Variants in ACSS3 observed in about 807,000 individuals in gnomAD.
ACSS3 encodes the protein acyl-CoA synthetase short chain family member 3.
In ACSS3, 64 loss-of-function variants were observed where a neutral mutation model predicts 84.2. That is an observed-to-expected ratio of 0.76 (90% CI 0.62 to 0.94). The LOEUF (loss-of-function observed/expected upper bound fraction) is 0.94, where lower values mean the gene tolerates loss of function less well. ACSS3 is among the 40% of genes least tolerant of loss of function. The probability of loss-of-function intolerance (pLI) is 0.00; values close to 1 mark genes in which losing one functional copy is unlikely to be tolerated. For synonymous variants in ACSS3, 317 were observed against 310.1 expected (o/e 1.02, Z -0.23); for missense variants, 815 against 867.6 (o/e 0.94, Z 0.76).
chr12:81,116,935 AC>A (rs1884092239), intron 2 of ACSS3, among the ~76,000 whole-genome samples: 1 of 151,898 alleles, frequency 6.6e-6, no homozygotes, highest in Non-Finnish European at 1.5e-5. Flanking sequence ...TCATTTTCTG[AC>A]TTTGAAGGTC....
intron 2 of ACSS3, among the ~76,000 whole-genome samples, chr12:81,130,196 G>A (rs548831662): frequency 7.9e-5 from 12 of 152,272 alleles, no homozygotes; most frequent in Non-Finnish European, 1.8e-4. Context: ...TTGAGGAATC[G>A]CCACACTGTC....
Position 81,135,019 on chromosome 12 carries a change from T to C in ACSS3, c.645+15T>C, listed in dbSNP as rs780798462. 4 of 1,558,564 alleles carry C rather than the reference T, an allele frequency of 2.6e-6. No homozygotes were observed. Among genetic ancestry groups the C allele is most frequent in the Admixed American group, 3.6e-5 (2 of 55,622 alleles). On this transcript the variant is annotated intron_variant, in intron 3 of 15. Transcript: ENST00000548058. ...ATCATGTAAAGGTAAGTGCTTTATT[T>C]TGGGAAATCAAGTAGTAGCTATGTA...
chr12:81,102,007 A>G (rs11608718), intron 1 of ACSS3, among the ~76,000 whole-genome samples: 53,213 of 151,652 alleles, frequency 0.35, 11,845 homozygotes, highest in Non-Finnish European at 0.5. Context: ...TGCTCTCCCC[A>G]TACCCTGGCT....
chr12:81,105,658 A>G (rs1170335304), intron 1 of ACSS3, among the ~76,000 whole-genome samples: 2 of 152,210 alleles, frequency 1.3e-5, no homozygotes, highest in African/African-American at 2.4e-5. Flanking sequence ...TAACATTCTC[A>G]TTCATTCATT....
intron 1 of ACSS3, among the ~76,000 whole-genome samples, chr12:81,083,949 C>A (rs934152653): frequency 6.6e-6 from 1 of 152,020 alleles, no homozygotes; most frequent in African/African-American, 2.4e-5. Context: ...CAGAGTGAGA[C>A]TCTGTCTCAA....
chr12:81,088,667 A>C (rs1171017263), intron 1 of ACSS3, among the ~76,000 whole-genome samples: 1 of 152,042 alleles, frequency 6.6e-6, no homozygotes, highest in African/African-American at 2.4e-5. Flanking sequence ...AAAACTAGTA[A>C]ATAGCAGAGC....
intron 7 of ACSS3, among the ~76,000 whole-genome samples, chr12:81,174,194 G>A (rs1272702375): frequency 6.6e-6 from 1 of 152,144 alleles, no homozygotes; most frequent in Non-Finnish European, 1.5e-5. Flanking sequence ...GCCAAATTGT[G>A]AGATTTTTAT....
chr12:81,259,775 C>T lies in ACSS3; in HGVS notation c.*4853C>T. 1.2e-6 allele frequency: 1 copy of T among 810,024 alleles called. No homozygotes were observed. The highest frequency in any genetic ancestry group is 1.9e-6 in the Non-Finnish European group (1 of 530,270). 50.2% of individuals were successfully genotyped at this position (810,024 alleles called of 1,614,324 possible). A position where few individuals can be genotyped will look rare whatever the true frequency, so the allele number is the denominator to read the frequency against. On this transcript the variant is annotated 3_prime_UTR_variant, in exon 16 of 16. Coordinates refer to ENST00000548058, the MANE Select transcript of ACSS3 (RefSeq NM_024560.4). ...CCTGCTTACTCCTGTCCTAGAAGAT[C>T]ATGAGAAGGAAATCATCTAGGATGT...
chr12:81,079,455 C>T (rs1394771893), intron 1 of ACSS3, among the ~76,000 whole-genome samples: 1 of 152,070 alleles, frequency 6.6e-6, no homozygotes, highest in Non-Finnish European at 1.5e-5. Flanking sequence ...TTGCAGTGGA[C>T]GAATGGCTCT....
At chr12:81,145,058 G>A (rs1314097127) in intron 5 of ACSS3, among the ~76,000 whole-genome samples, 7 of 142,680 alleles carry the variant, frequency 4.9e-5, no homozygotes, top group African/African-American at 1.8e-4. Context: ...CCGCCACCAC[G>A]CCTGGCTAAT....
intron 1 of ACSS3, among the ~76,000 whole-genome samples, chr12:81,084,679 A>G (rs1056495287): frequency 6.6e-6 from 1 of 152,204 alleles, no homozygotes; most frequent in African/African-American, 2.4e-5. Flanking sequence ...AGAAAAAAAA[A>G]CTATGGAAAT....
chr12:81,125,220 A>AC (rs1269002917), intron 2 of ACSS3, among the ~76,000 whole-genome samples: 52 of 97,474 alleles, frequency 5.3e-4, no homozygotes, highest in African/African-American at 1.2e-3. Context: ...TCTCAAAAAA[A>AC]AAAAACAAAA....
intron 7 of ACSS3, among the ~76,000 whole-genome samples, chr12:81,165,458 A>T (rs1351373594): frequency 6.6e-6 from 1 of 152,176 alleles, no homozygotes; most frequent in Non-Finnish European, 1.5e-5. Context: ...ATCCTGGCTA[A>T]CACAGTGAAA....
chr12:81,233,462 C>A lies in ACSS3; in HGVS notation c.1710C>A (p.Ala570=). Residue 570 remains alanine (A), a synonymous_variant, in exon 13 of 16, where the codon GCC becomes GCA. Coordinates refer to ENST00000548058, the MANE Select transcript of ACSS3 (RefSeq NM_024560.4). ...CAGGTCACAGAATTTCTGCAGGCGC[C>A]ATTGAAGAGGTATTGATGAATATTG... The part of the protein sequence containing the change: ...NVAGHRISAG[A]IEESILSHGT... 2 of 1,610,454 alleles carry A rather than the reference C, an allele frequency of 1.2e-6. No homozygotes were observed. The highest frequency in any genetic ancestry group is 2.2e-5 in the South Asian group (2 of 90,966).
At chr12:81,200,889 C>CAAAAAAAAA (rs35916130) in intron 9 of ACSS3, among the ~76,000 whole-genome samples, 1 of 56,528 alleles carries the variant, frequency 1.8e-5, no homozygotes, top group Admixed American at 2.0e-4. Context: ...GCAAGACTGT[C>CAAAAAAAAA]AAAAAAAAAA....
At chr12:81,165,255 C>A (rs1390710817) in intron 7 of ACSS3, among the ~76,000 whole-genome samples, 1 of 152,092 alleles carries the variant, frequency 6.6e-6, no homozygotes, top group Non-Finnish European at 1.5e-5. Context: ...ATTGTCAGCT[C>A]CAAATCATGC....
chr12:81,202,868 A>G (rs567649926), intron 9 of ACSS3, among the ~76,000 whole-genome samples: 2 of 152,332 alleles, frequency 1.3e-5, no homozygotes, highest in Non-Finnish European at 2.9e-5. Context: ...GTTCATTTAT[A>G]TGACCATGTT....
chr12:81,144,520 A>G (rs1005609890), intron 5 of ACSS3, among the ~76,000 whole-genome samples: 3 of 152,142 alleles, frequency 2.0e-5, no homozygotes, highest in Admixed American at 1.3e-4. Context: ...CACACTAGCC[A>G]CCTGGAGTCC....
rs138780141 is a variant in ACSS3, at chr12:81,243,719, A to C, written c.1720-9588A>C. ...GAAATAACGCCACATATCTACAACT[A>C]TCTGATCTTTGACAAATAGCAAAAT... On this transcript the variant is annotated intron_variant, in intron 13 of 15. Coordinates refer to ENST00000548058, the MANE Select transcript of ACSS3 (RefSeq NM_024560.4). Among the ~76,000 whole-genome samples the C allele has an allele frequency of 4.2e-3, 638 of 152,238 alleles. 8 individuals are homozygous for C. The highest frequency in any genetic ancestry group is 0.015 in the African/African-American group (606 of 41,558).
Sources: gnomAD v4.1 joint callset for allele counts (sites outside exome capture counted in the v4.1 genomes callset) on GRCh38, gnomAD v4.1.1 for gene constraint, MANE v1.5 for transcripts, NCBI Gene and HGNC (gene_info 2026-07-23, HGNC 2026-07-21) for gene names.